The following LYPD6B variants were observed in gnomAD, a reference collection of about 807,000 sequenced individuals.
The protein encoded by LYPD6B is LY6/PLAUR domain containing 6B.
A neutral mutation model predicts 22.8 loss-of-function variants in LYPD6B; 17 were observed. That is an observed-to-expected ratio of 0.75 (90% CI 0.51 to 1.12). The LOEUF (loss-of-function observed/expected upper bound fraction) is 1.12. Among genes scored for constraint, LYPD6B ranks in the 50% most tolerant of loss-of-function variants. The pLI is 0.00. For missense variants in LYPD6B, 221 were observed against 258.3 expected (o/e 0.86, Z 0.99); for synonymous variants, 106 against 91.6 (o/e 1.16, Z -0.90).
intron 3 of LYPD6B, among the ~76,000 whole-genome samples, chr2:149,175,885 C>T (rs1403715920): frequency 6.6e-6 from 1 of 152,098 alleles, no homozygotes; most frequent in African/African-American, 2.4e-5. Flanking sequence ...ATGGAGCTGA[C>T]ATCTCCTATG....
intron 1 of LYPD6B, among the ~76,000 whole-genome samples, chr2:149,110,970 T>C (rs1404272029): frequency 6.6e-6 from 1 of 152,110 alleles, no homozygotes; most frequent in Non-Finnish European, 1.5e-5. Flanking sequence ...TAGAATAAAG[T>C]GAAGTAGTGT....
At position 149,166,802 on chromosome 2, in the gene LYPD6B, T is replaced by A. The variant is rs139399070; in HGVS notation, c.77+5967T>A. On this transcript the variant is annotated intron_variant, in intron 3 of 6. Coordinates refer to ENST00000409642, the MANE Select transcript of LYPD6B (RefSeq NM_177964.5). ...AGAATCTGAGCTGGAAAATGGGCAA[T>A]CTGGACATGCATGGTCCCACCAGAG... 2.4e-3 allele frequency among the ~76,000 whole-genome samples: 370 copies of A among 152,064 alleles called. 1 individual carries two copies. Among genetic ancestry groups the A allele is most frequent in the African/African-American group, 8.4e-3 (350 of 41,462 alleles).
At position 149,054,313 on chromosome 2, in the gene LYPD6B, T is replaced by C. The variant is rs141016090; in HGVS notation, c.-67+15512T>C. On this transcript the variant is annotated intron_variant, in intron 1 of 6. Coordinates refer to ENST00000409642, the MANE Select transcript of LYPD6B (RefSeq NM_177964.5). ...TCTGGTAGGTGTGAAGTAATATTTC[T>C]TTGTGGTTTTAATTTGCATTTTCCT... Among the ~76,000 whole-genome samples the C allele has an allele frequency of 1.5e-3, 231 of 152,338 alleles. 6 individuals are homozygous for C. In the East Asian group the frequency reaches 0.026, roughly 17 times the overall value.
chr2:149,120,468 C>T (rs1330189716), intron 1 of LYPD6B, among the ~76,000 whole-genome samples: 5 of 137,758 alleles, frequency 3.6e-5, no homozygotes, highest in South Asian at 2.4e-4. Context: ...CTGCAAGCTT[C>T]GCCTCCCAGG....
intron 2 of LYPD6B, among the ~76,000 whole-genome samples, chr2:149,133,194 A>G (rs1364109381): frequency 6.6e-6 from 1 of 152,168 alleles, no homozygotes; most frequent in Non-Finnish European, 1.5e-5. Context: ...TAGTCAGTTT[A>G]ATGAGGTACT....
Position 149,213,267 on chromosome 2 carries a change from C to CAAAG in LYPD6B, c.459+148_459+151dup, listed in dbSNP as rs548952242. ...CTCCATACAAAGATAAAATGGAGAC[C>CAAAG]AAAGAACAGACTCCATACAAAGGTA... On this transcript the variant is annotated intron_variant, in intron 6 of 6. Transcript: ENST00000409642. 2.3e-4 allele frequency: 254 copies of CAAAG among 1,086,476 alleles called. 2 individuals carry two copies. The South Asian group carries it at 4.0e-3, about 17-fold the overall frequency. 67.3% of individuals were successfully genotyped at this position (1,086,476 alleles called of 1,614,324 possible).
rs568814845 is a variant in LYPD6B, at chr2:149,145,185, C to T, written c.5+14232C>T. On this transcript the variant is annotated intron_variant, in intron 2 of 6. Transcript: ENST00000409642. Reference sequence around the variant, plus strand: ...TGGTGGGTTCTGACTAGAGCAGATTCAAGCAGAGGGATTATGAGTTTCCTT... The same window carrying T: ...TGGTGGGTTCTGACTAGAGCAGATTTAAGCAGAGGGATTATGAGTTTCCTT... Among the ~76,000 whole-genome samples the T allele has an allele frequency of 5.3e-5, 8 of 152,246 alleles. 1 individual carries two copies. In the South Asian group the frequency reaches 1.7e-3, roughly 32 times the overall value.
rs1290881582 is a variant in LYPD6B, at chr2:149,189,367, T to TATATATATATATATATATAC, written c.78-15885_78-15884insTATATATATATATATATACA. Among the ~76,000 whole-genome samples, 97 of 80,982 alleles carry TATATATATATATATATATAC rather than the reference T, an allele frequency of 1.2e-3. 1 individual carries two copies. Among genetic ancestry groups the TATATATATATATATATATAC allele is most frequent in the African/African-American group, 3.3e-3 (81 of 24,468 alleles). The allele number at this position is 80,982 out of a possible 152,430, so 53.1% of individuals were successfully genotyped here. On this transcript the variant is annotated intron_variant, in intron 3 of 6. Transcript: ENST00000409642. ...TTATATATATATATATATATATATA[T>TATATATATATATATATATAC]ACACACACATATGTATATATGTATA...
chr2:149,205,151 G>A (rs1202978006), intron 3 of LYPD6B, 102 bp from the exon 4 acceptor site: 2 of 1,227,294 alleles, frequency 1.6e-6, no homozygotes, highest in East Asian at 4.8e-5. Context: ...CAGGTAGATG[G>A]TTGGATATAT....
intron 3 of LYPD6B, among the ~76,000 whole-genome samples, chr2:149,180,890 C>G (rs1421618571): frequency 6.6e-6 from 1 of 152,198 alleles, no homozygotes; most frequent in Middle Eastern, 3.2e-3. Context: ...AAAGGCCTCT[C>G]AGTGGGCCTC....
In LYPD6B at chr2:149,171,504, G is replaced by A. The variant is rs533896114; in HGVS notation, c.77+10669G>A. On this transcript the variant is annotated intron_variant, in intron 3 of 6. Transcript: ENST00000409642. ...GAATTCTGTTTTTCTCATTCCTTAC[G>A]TGAGAGCTCTTTTTTGAAGTCTGAT... Among the ~76,000 whole-genome samples the A allele has an allele frequency of 2.3e-4, 34 of 149,414 alleles. No homozygotes were observed. The South Asian group carries it at 5.9e-3, about 26-fold the overall frequency.
At chr2:149,088,564 C>A (rs1014372762) in intron 1 of LYPD6B, among the ~76,000 whole-genome samples, 4 of 152,170 alleles carry the variant, frequency 2.6e-5, no homozygotes, top group African/African-American at 9.7e-5. Context: ...TTTTCTCCTG[C>A]CTCTTGCTGG....
At chr2:149,177,458 T>C (rs1691396238) in intron 3 of LYPD6B, among the ~76,000 whole-genome samples, 1 of 152,238 alleles carries the variant, frequency 6.6e-6, no homozygotes. Flanking sequence ...CTGTCTCTTA[T>C]TCCCCTTCAC....
At chr2:149,207,388 A>G (rs1447455765) in intron 4 of LYPD6B, among the ~76,000 whole-genome samples, 5 of 152,130 alleles carry the variant, frequency 3.3e-5, no homozygotes, top group South Asian at 2.1e-4. Flanking sequence ...AAGAGAATGA[A>G]ACAGTGTCTT....
intron 1 of LYPD6B, among the ~76,000 whole-genome samples, chr2:149,073,401 T>C (rs2105366070): frequency 6.6e-6 from 1 of 152,290 alleles, no homozygotes; most frequent in South Asian, 2.1e-4. Flanking sequence ...GGTGTTTTCT[T>C]GGTCCGTGTT....
At chr2:149,045,702 A>C (rs985763397) in intron 1 of LYPD6B, among the ~76,000 whole-genome samples, 1 of 152,126 alleles carries the variant, frequency 6.6e-6, no homozygotes, top group Non-Finnish European at 1.5e-5. Context: ...GGGATTTTCT[A>C]GAAGTTTTTC....
At chr2:149,040,526 C>G (rs1683029681) in intron 1 of LYPD6B, among the ~76,000 whole-genome samples, 1 of 152,064 alleles carries the variant, frequency 6.6e-6, no homozygotes, top group Non-Finnish European at 1.5e-5. Flanking sequence ...GCACCCGGCC[C>G]CTTATAGCAA....
At chr2:149,089,414 T>G (rs745782919) in intron 1 of LYPD6B, among the ~76,000 whole-genome samples, 73 of 152,302 alleles carry the variant, frequency 4.8e-4, no homozygotes, top group Non-Finnish European at 8.4e-4. Context: ...ATTGGTAACA[T>G]ACATTCCATG....
intron 3 of LYPD6B, among the ~76,000 whole-genome samples, chr2:149,166,515 A>G (rs1387034179): frequency 1.3e-5 from 2 of 152,098 alleles, no homozygotes; most frequent in African/African-American, 4.8e-5. Context: ...GGATGGTCAT[A>G]TCTCACTCTC....
Sources: gnomAD v4.1 joint callset for allele counts (sites outside exome capture counted in the v4.1 genomes callset) on GRCh38, gnomAD v4.1.1 for gene constraint, MANE v1.5 for transcripts, NCBI Gene and HGNC (gene_info 2026-07-23, HGNC 2026-07-21) for gene names.